The following KASH5 variants were observed in gnomAD, a reference collection of about 807,000 sequenced individuals.
KASH5 encodes KASH domain containing 5, also known as protein KASH5.
Under a neutral mutation model 84.2 loss-of-function variants are expected in KASH5, and 72 were observed. That is an observed-to-expected ratio of 0.85 (90% CI 0.71 to 1.04). The LOEUF is 1.04. Among genes scored for constraint, KASH5 ranks in the 50% least tolerant of loss-of-function variants. The pLI is 0.00. For synonymous variants in KASH5, 260 were observed against 279.1 expected (o/e 0.93, Z 0.68); for missense variants, 650 against 701.0 (o/e 0.93, Z 0.82).
rs762302459 is a variant in KASH5, at chr19:49,395,180, C to G, written c.223C>G (p.Gln75Glu). ...CCAGGGCCCCCAGGATGCACGCCTC[C>G]AAACATTGGCCAACAGCCTGGACCC... ...TGQGPQDARL[Q>E]TLANSLDPNG... The change falls in exon 4 of 20, where the codon CAA becomes GAA. Residue 75 changes from glutamine to glutamate, a missense_variant. Physicochemically the swap from Gln to Glu is conservative, Grantham distance 29 (BLOSUM62 2). Transcript: ENST00000447857. The surrounding 1 kb of genome is among the most constrained non-coding windows in gnomAD (Gnocchi z 4.4). 4 of 1,613,234 alleles carry G rather than the reference C, an allele frequency of 2.5e-6. No individual in the cohort carries two copies. In the South Asian group the frequency reaches 4.4e-5, roughly 18 times the overall value.
rs1050465449 is a variant in KASH5 at position 49,398,053 on chromosome 19, A to C, written c.539A>C (p.Asn180Thr). The change falls in exon 7 of 20, where the codon AAT becomes ACT. Residue 180 changes from asparagine to threonine, a missense_variant. Physicochemically the swap from Asn to Thr is moderately conservative, Grantham distance 65. Transcript: ENST00000447857. Reference protein sequence around the residue: ...ELSNRRLVGENAKLQRSMETA... With the variant: ...ELSNRRLVGETAKLQRSMETA... ...AGCAACCGACGTCTGGTTGGGGAGA[A>C]TGCCAAATTGCAGCGGAGCATGGAG... The C allele has an allele frequency of 6.2e-7, 1 of 1,613,716 alleles. No individual in the cohort carries two copies. The highest frequency in any genetic ancestry group is 8.5e-7 in the Non-Finnish European group (1 of 1,179,810).
In KASH5 at chr19:49,408,844, A is replaced by C. The variant is rs75231839; in HGVS notation, c.994-123A>C. On this transcript the variant is annotated intron_variant, in intron 12 of 19. Coordinates refer to ENST00000447857, the MANE Select transcript of KASH5 (RefSeq NM_144688.5). ...TTTCTTCCCCTTGTCCCTAGGCAGT[A>C]TGTGTCTGGGGAGCCCAAAGTAGTC... 2,447 of 860,470 alleles carry C rather than the reference A, an allele frequency of 2.8e-3. 34 individuals are homozygous for C. In the African/African-American group the frequency reaches 0.038, roughly 13 times the overall value. The allele number at this position is 860,470 out of a possible 1,614,324, so 53.3% of individuals were successfully genotyped here. A position where few individuals can be genotyped will look rare whatever the true frequency, so the allele number is the denominator to read the frequency against.
intron 7 of KASH5, among the ~76,000 whole-genome samples, chr19:49,398,372 CTTT>C (rs764459352): frequency 3.5e-5 from 5 of 143,042 alleles, no homozygotes; most frequent in Non-Finnish European, 4.6e-5. Context: ...CTCTCTCTCT[CTTT>C]TTTTTTTTTT....
chr19:49,399,012 C>G lies in KASH5; in HGVS notation c.630-13C>G. The G allele has an allele frequency of 6.5e-7, 1 of 1,548,124 alleles. No individual in the cohort carries two copies. The highest frequency in any genetic ancestry group is 8.7e-7 in the Non-Finnish European group (1 of 1,144,068). ...CCCTCTCGTATGGCTCATCTGCCCC[C>G]ACCCGCATTCAGCACCCAGCAGGCC... On this transcript the variant is annotated splice_polypyrimidine_tract_variant and intron_variant, in intron 7 of 19. Coordinates refer to ENST00000447857, the MANE Select transcript of KASH5 (RefSeq NM_144688.5). This position sits in a 1 kb window ranked among gnomAD's most constrained non-coding sequence, Gnocchi z 4.4.
chr19:49,392,702 A>G (rs1407054714), intron 2 of KASH5, among the ~76,000 whole-genome samples: 1 of 152,158 alleles, frequency 6.6e-6, no homozygotes, highest in Non-Finnish European at 1.5e-5. Flanking sequence ...ACTTGAGGTC[A>G]GGAGTTCGAG....
Position 49,409,283 on chromosome 19 carries a change from G to C in KASH5, c.1146G>C (p.Gln382His), listed in dbSNP as rs934687824. Residue 382 changes from glutamine (Q) to histidine (H), a missense_variant and splice_region_variant, in exon 14 of 20, where the codon CAG becomes CAC. Gln to His is a conservative substitution (Grantham distance 24). Coordinates refer to ENST00000447857, the MANE Select transcript of KASH5 (RefSeq NM_144688.5). ...GCTTGGAGATCGAGGCCATTCGACA[G>C]GTGGGCCTAACACCCCTGGAATAAG... ...SLGLEIEAIR[Q>H]KQEVATADLS... The C allele has an allele frequency of 6.8e-6, 11 of 1,613,440 alleles. No individual in the cohort carries two copies. The highest frequency in any genetic ancestry group is 1.3e-5 in the African/African-American group (1 of 74,936).
In KASH5 at chr19:49,414,256, T is replaced by G. The variant is rs1007716248; in HGVS notation, c.1329-695T>G. 1.3e-5 allele frequency among the ~76,000 whole-genome samples: 2 copies of G among 152,016 alleles called. No individual in the cohort carries two copies. Among genetic ancestry groups the G allele is most frequent in the Non-Finnish European group, 2.9e-5 (2 of 67,986 alleles). ...AGGGTCTACTCCCGGAAGATGGGAATGAATGAGGGGCATGCTAACCCCTCA... is the reference window on the plus strand; with the variant it reads ...AGGGTCTACTCCCGGAAGATGGGAAGGAATGAGGGGCATGCTAACCCCTCA... On this transcript the variant is annotated intron_variant, in intron 16 of 19. Transcript: ENST00000447857. The surrounding 1 kb of genome is among the most constrained non-coding windows in gnomAD (Gnocchi z 4.5).
intron 11 of KASH5, 80 bp from the exon 12 acceptor site, chr19:49,407,532 C>A: frequency 6.9e-7 from 1 of 1,458,708 alleles, no homozygotes; most frequent in South Asian, 1.2e-5. Context: ...CTTAACCCCC[C>A]AGCCAGTCCC....
At chr19:49,409,704 T>C in intron 14 of KASH5, 49 bp from the exon 15 acceptor site, 2 of 1,612,382 alleles carry the variant, frequency 1.2e-6, no homozygotes, top group Non-Finnish European at 1.7e-6. Context: ...GACCTTGTTT[T>C]CTACCTTAAT....
intron 5 of KASH5, among the ~76,000 whole-genome samples, chr19:49,396,157 C>A (rs1974169458): frequency 6.6e-6 from 1 of 152,082 alleles, no homozygotes; most frequent in Non-Finnish European, 1.5e-5. Context: ...GTCTTGCTGC[C>A]CTTCCTCGAA....
At chr19:49,397,569 GGAGTCCAACCTCA>G (rs1372882246) in intron 5 of KASH5, 69 bp from the exon 6 acceptor site, 1 of 1,246,704 alleles carries the variant, frequency 8.0e-7, no homozygotes, top group Non-Finnish European at 1.2e-6. Flanking sequence ...GGAGGCAGAT[GGAGTCCAACCTCA>G]GAGCCCTGGG....
rs558833931 is a variant in KASH5 at position 49,399,880 on chromosome 19, T to C, written c.798+373T>C. 1.8e-5 allele frequency: 5 copies of C among 277,924 alleles called. No homozygotes were observed. The highest frequency in any genetic ancestry group is 1.8e-4 in the Admixed American group (4 of 22,710). The allele number at this position is 277,924 out of a possible 1,614,324, so 17.2% of individuals were successfully genotyped here. On this transcript the variant is annotated intron_variant, in intron 9 of 19. Transcript: ENST00000447857. The surrounding 1 kb of genome is among the most constrained non-coding windows in gnomAD (Gnocchi z 4.4). Reference sequence around the variant, plus strand: ...AGTCTTGGGCACAAGGTAGGACACATAGGATGTGCTCACTAAAAGTTATCT... The same window carrying C: ...AGTCTTGGGCACAAGGTAGGACACACAGGATGTGCTCACTAAAAGTTATCT...
chr19:49,410,326 T>G (rs1329687271), intron 15 of KASH5, among the ~76,000 whole-genome samples: 1 of 151,636 alleles, frequency 6.6e-6, no homozygotes, highest in Admixed American at 6.6e-5. Flanking sequence ...ACCATTGGGG[T>G]TTTTTTTGTT....
In KASH5 at chr19:49,394,732, A is replaced by G. The variant is rs1974118364; in HGVS notation, c.148+152A>G. 4.8e-6 allele frequency: 3 copies of G among 629,182 alleles called. No homozygotes were observed. The Admixed American group carries it at 8.4e-5, about 18-fold the overall frequency. The allele number at this position is 629,182 out of a possible 1,614,324, so 39.0% of individuals were successfully genotyped here. ...GGTGATTATGGGAAGCTTCAGGAAG[A>G]AGAACGTGGATAATGGGGTGAAGGC... On this transcript the variant is annotated intron_variant, in intron 3 of 19. Transcript: ENST00000447857.
At chr19:49,397,542 A>G in intron 5 of KASH5, 109 bp from the exon 6 acceptor site, 1 of 939,804 alleles carries the variant, frequency 1.1e-6, no homozygotes, top group Non-Finnish European at 1.7e-6. Flanking sequence ...GAGATTCTCC[A>G]GAGCACAGGT....
chr19:49,397,370 T>C (rs553059829), intron 5 of KASH5, among the ~76,000 whole-genome samples: 38 of 151,506 alleles, frequency 2.5e-4, no homozygotes, highest in Admixed American at 2.0e-4. Flanking sequence ...AGTGGCTGAG[T>C]GGTCGGTGGG....
At position 49,395,444 on chromosome 19, in the gene KASH5, G is replaced by A. The variant is rs184574888; in HGVS notation, c.335+152G>A. ...AAAAATGAAGAGACGGGATTCAGAG[G>A]GGGTAGATAGGGAGTCTGAGGACAA... is the stretch of plus-strand genomic sequence containing the variant. On this transcript the variant is annotated intron_variant, in intron 4 of 19. Transcript: ENST00000447857. The surrounding 1 kb of genome is among the most constrained non-coding windows in gnomAD (Gnocchi z 4.4). Among the ~76,000 whole-genome samples, 1 of 142,278 alleles carries A rather than the reference G, an allele frequency of 7.0e-6. No homozygotes were observed. The highest frequency in any genetic ancestry group is 6.7e-5 in the Admixed American group (1 of 14,866). The allele number at this position is 142,278 out of a possible 152,430, so 93.3% of individuals were successfully genotyped here.
Position 49,399,605 on chromosome 19 carries a change from TG to T in KASH5, c.798+102del. The T allele has an allele frequency of 6.5e-7, 1 of 1,548,452 alleles. No individual in the cohort carries two copies. On this transcript the variant is annotated intron_variant, in intron 9 of 19. Transcript: ENST00000447857. This position sits in a 1 kb window ranked among gnomAD's most constrained non-coding sequence, Gnocchi z 4.4. ...CCCCCAACACCCCAGCAGCCTGTCT[TG>T]GGGAGACCTCAGAATGTCAGTAGTG...
chr19:49,401,572 G>T (rs954438588), intron 9 of KASH5, among the ~76,000 whole-genome samples: 3 of 152,108 alleles, frequency 2.0e-5, no homozygotes, highest in African/African-American at 7.2e-5. Context: ...TACACGCAAG[G>T]CCTCTCAGAT....
Sources: gnomAD v4.1 joint callset for allele counts (sites outside exome capture counted in the v4.1 genomes callset) on GRCh38, gnomAD v4.1.1 for gene constraint, Gnocchi (gnomAD v3.1) non-coding constraint, MANE v1.5 for transcripts, NCBI Gene and HGNC (gene_info 2026-07-23, HGNC 2026-07-21) for gene names.